The following SLC35F3 variants were observed in gnomAD, a reference collection of about 807,000 sequenced individuals.
SLC35F3 encodes solute carrier family 35 member F3, also known as putative thiamine transporter SLC35F3.
A neutral mutation model predicts 49.9 loss-of-function variants in SLC35F3; 25 were observed. That is an observed-to-expected ratio of 0.50 (90% confidence interval 0.37 to 0.70). The LOEUF (loss-of-function observed/expected upper bound fraction) is 0.70. Among genes scored for constraint, SLC35F3 ranks in the 30% least tolerant of loss-of-function variants. SLC35F3 has a pLI of 0.00. For missense variants in SLC35F3, 525 were observed against 639.8 expected (o/e 0.82, Z 1.94); for synonymous variants, 275 against 265.4 (o/e 1.04, Z -0.35).
Position 234,309,789 on chromosome 1 carries a change from T to A in SLC35F3, c.828+469T>A, listed in dbSNP as rs59845961. ...CGGCATCCATGCGTGCATGCAGTCTTGGCCCTTTGCCTGGGCCTTGTGTAC... is the reference window on the plus strand; with the variant it reads ...CGGCATCCATGCGTGCATGCAGTCTAGGCCCTTTGCCTGGGCCTTGTGTAC... On this transcript the variant is annotated intron_variant, in intron 4 of 7. Transcript: ENST00000366618. Among the ~76,000 whole-genome samples the A allele has an allele frequency of 3.7e-3, 557 of 152,344 alleles. 6 individuals are homozygous for A. In the East Asian group the frequency reaches 0.057, roughly 16 times the overall value.
intron 2 of SLC35F3, among the ~76,000 whole-genome samples, chr1:234,129,335 A>G (rs1431983752): frequency 6.6e-6 from 1 of 152,250 alleles, no homozygotes; most frequent in Non-Finnish European, 1.5e-5. Context: ...AAGTAATACT[A>G]CAATAGACTC....
intron 3 of SLC35F3, among the ~76,000 whole-genome samples, chr1:234,267,546 C>A (rs1231166560): frequency 2.4e-3 from 339 of 140,598 alleles, no homozygotes; most frequent in African/African-American, 8.5e-3. Context: ...GGCGGCTGGC[C>A]GGGCAGAGGG....
At chr1:233,972,283 G>GAACATTA (rs1284289508) in intron 2 of SLC35F3, among the ~76,000 whole-genome samples, 6 of 152,204 alleles carry the variant, frequency 3.9e-5, no homozygotes, top group Non-Finnish European at 7.3e-5. Context: ...GGACTTATCT[G>GAACATTA]AACATTAAAC....
At chr1:233,992,407 G>A (rs1663369747) in intron 2 of SLC35F3, among the ~76,000 whole-genome samples, 1 of 152,140 alleles carries the variant, frequency 6.6e-6, no homozygotes, top group Admixed American at 6.6e-5. Flanking sequence ...GGCCTTTCTT[G>A]CTGCATCACA....
chr1:233,907,110 C>T (rs1165536659), intron 2 of SLC35F3, among the ~76,000 whole-genome samples: 7 of 152,140 alleles, frequency 4.6e-5, no homozygotes, highest in South Asian at 2.1e-4. Context: ...ATGGATAGAA[C>T]GCTCAAGTTT....
intron 2 of SLC35F3, among the ~76,000 whole-genome samples, chr1:234,123,098 G>C (rs1161007979): frequency 6.6e-6 from 1 of 152,130 alleles, no homozygotes. Context: ...GTATAAAAGT[G>C]TTTCTCTTTC....
In SLC35F3 at chr1:233,957,996, A is replaced by T. The variant is rs1662734164; in HGVS notation, c.283+52238A>T. 6.6e-6 allele frequency among the ~76,000 whole-genome samples: 1 copy of T among 152,080 alleles called. No homozygotes were observed. Among genetic ancestry groups the T allele is most frequent in the Admixed American group, 6.6e-5 (1 of 15,266 alleles). On this transcript the variant is annotated intron_variant, in intron 2 of 7. Coordinates refer to ENST00000366618, the MANE Select transcript of SLC35F3 (RefSeq NM_173508.4). The surrounding 1 kb of genome is among the most constrained non-coding windows in gnomAD (Gnocchi z 4.0). ...CTTGATGACTAGACCGCTTTTCCAA[A>T]TGTTAGGACTTTTCACTCCTTGTGG...
At chr1:234,155,684 A>T (rs1232478545) in intron 2 of SLC35F3, among the ~76,000 whole-genome samples, 1 of 151,998 alleles carries the variant, frequency 6.6e-6, no homozygotes, top group Non-Finnish European at 1.5e-5. Flanking sequence ...ATGACATATA[A>T]GAATTAAATG....
intron 2 of SLC35F3, among the ~76,000 whole-genome samples, chr1:234,017,271 G>A (rs368930810): frequency 2.8e-4 from 43 of 152,248 alleles, no homozygotes; most frequent in African/African-American, 1.0e-3. Flanking sequence ...TTCAAGTGGT[G>A]ATGTTCTATA....
intron 3 of SLC35F3, among the ~76,000 whole-genome samples, chr1:234,290,039 T>C (rs1668482026): frequency 6.6e-6 from 1 of 151,896 alleles, no homozygotes; most frequent in Non-Finnish European, 1.5e-5. Context: ...AAGGAAAAAA[T>C]AGTTATAATT....
chr1:234,045,102 A>G (rs542732446), intron 2 of SLC35F3, among the ~76,000 whole-genome samples: 6 of 152,278 alleles, frequency 3.9e-5, no homozygotes, highest in African/African-American at 1.4e-4. Context: ...AGCACCTGTC[A>G]GTAGAAGGGG....
Position 233,923,080 on chromosome 1 carries a change from G to A in SLC35F3, c.283+17322G>A, listed in dbSNP as rs568343114. Among the ~76,000 whole-genome samples the A allele has an allele frequency of 1.9e-3, 295 of 152,232 alleles. 1 individual carries two copies. The highest frequency in any genetic ancestry group is 5.0e-3 in the African/African-American group (207 of 41,546). On this transcript the variant is annotated intron_variant, in intron 2 of 7. Coordinates refer to ENST00000366618, the MANE Select transcript of SLC35F3 (RefSeq NM_173508.4). ...GTAGTATAGTTTAAAGTCAGGTAGC[G>A]TGATGCCTCCAGGTTTGTTCTTTTG...
intron 2 of SLC35F3, among the ~76,000 whole-genome samples, chr1:234,081,923 T>TTTTTTTTTTTTTTTTTTTTTTTTTTTTTG (rs1664883442): frequency 7.7e-6 from 1 of 129,254 alleles, no homozygotes; most frequent in African/African-American, 3.0e-5. Flanking sequence ...TTTTTTTTTT[T>TTTTTTTTTTTTTTTTTTTTTTTTTTTTTG]TTTTTTTTTT....
At chr1:234,117,952 GTGTGTGTGTGTGTA>G (rs1236931655) in intron 2 of SLC35F3, among the ~76,000 whole-genome samples, 17 of 24,726 alleles carry the variant, frequency 6.9e-4, no homozygotes, top group South Asian at 2.8e-3. Flanking sequence ...GTGTGTGTGT[GTGTGTGTGTGTGTA>G]TATATATATA....
At chr1:233,948,982 A>G (rs1224917487) in intron 2 of SLC35F3, among the ~76,000 whole-genome samples, 3 of 152,098 alleles carry the variant, frequency 2.0e-5, no homozygotes, top group African/African-American at 7.2e-5. Context: ...TGGCATGAGG[A>G]CACACAGCTG....
At chr1:234,204,959 C>T (rs1666949313) in intron 2 of SLC35F3, among the ~76,000 whole-genome samples, 3 of 152,230 alleles carry the variant, frequency 2.0e-5, no homozygotes, top group Non-Finnish European at 4.4e-5. Flanking sequence ...ATCTCTCTCC[C>T]TTTTTCCTGC....
intron 2 of SLC35F3, among the ~76,000 whole-genome samples, chr1:233,973,493 A>G (rs996334559): frequency 1.3e-5 from 2 of 152,244 alleles, no homozygotes; most frequent in African/African-American, 4.8e-5. Context: ...AAATACTCAG[A>G]CATTAACGAT....
intron 2 of SLC35F3, among the ~76,000 whole-genome samples, chr1:233,963,098 AG>A (rs1389085136): frequency 6.6e-6 from 1 of 152,122 alleles, no homozygotes; most frequent in East Asian, 1.9e-4. Context: ...AGCCCTCGGT[AG>A]CTATCTTTTC....
intron 2 of SLC35F3, among the ~76,000 whole-genome samples, chr1:234,001,899 C>G (rs887710118): frequency 1.3e-5 from 2 of 152,174 alleles, no homozygotes; most frequent in South Asian, 2.1e-4. Context: ...TGGCCCTCAT[C>G]ATCAAGCTGT....
Sources: allele counts gnomAD v4.1 joint callset (sites outside exome capture counted in the v4.1 genomes callset), GRCh38; gene constraint gnomAD v4.1.1; non-coding constraint Gnocchi (gnomAD v3.1); transcripts MANE v1.5; gene names NCBI Gene and HGNC (gene_info 2026-07-23, HGNC 2026-07-21).